The following C2orf76 variants were observed in gnomAD, a reference collection of about 807,000 sequenced individuals.
C2orf76 encodes chromosome 2 open reading frame 76, also known as UPF0538 protein C2orf76.
Under a neutral mutation model 16.9 loss-of-function variants are expected in C2orf76, and 23 were observed. The ratio of observed to expected loss-of-function variants is 1.36; its 90% CI spans 0.98 to 1.93. The LOEUF (loss-of-function observed/expected upper bound fraction) is 1.93. C2orf76 is among the 30% of genes most tolerant of loss of function. The pLI is 0.00. For missense variants in C2orf76, 152 were observed against 152.6 expected (o/e 1.00, Z 0.02); for synonymous variants, 48 against 52.3 (o/e 0.92, Z 0.35).
intron 5 of C2orf76, 117 bp downstream of exon 5, chr2:119,311,505 G>A: frequency 6.8e-7 from 1 of 1,462,502 alleles, no homozygotes; most frequent in South Asian, 1.4e-5. Flanking sequence ...ACCGGGCAGT[G>A]TCAGGGGGAC....
intron 1 of C2orf76, among the ~76,000 whole-genome samples, chr2:119,348,443 T>C (rs1225905538): frequency 3.3e-5 from 5 of 152,144 alleles, no homozygotes. Flanking sequence ...TCCCAGCACT[T>C]TGGGAGGTCA....
At chr2:119,356,435 T>C (rs2104643295) in intron 1 of C2orf76, among the ~76,000 whole-genome samples, 1 of 145,918 alleles carries the variant, frequency 6.9e-6, no homozygotes, top group Middle Eastern at 3.6e-3. Context: ...TACACTGAAC[T>C]GAATGAAAGT....
In C2orf76 at chr2:119,302,568, G is replaced by A; in HGVS notation, c.305-20C>T. ...CACTGGCTGAAAAAAAACAGAAAATGGAAAAAAAGATTTTAATGTAAATCT... is the reference window on the plus strand; with the variant it reads ...CACTGGCTGAAAAAAAACAGAAAATAGAAAAAAAGATTTTAATGTAAATCT... On this transcript the variant is annotated intron_variant, in intron 5 of 5. Transcript: ENST00000334816. 4.1e-6 allele frequency: 6 copies of A among 1,446,154 alleles called. No individual in the cohort carries two copies. Among genetic ancestry groups the A allele is most frequent in the Admixed American group, 2.1e-5 (1 of 47,600 alleles). 89.6% of individuals were successfully genotyped at this position (1,446,154 alleles called of 1,614,324 possible). A position where few individuals can be genotyped will look rare whatever the true frequency, so the allele number is the denominator to read the frequency against.
intron 1 of C2orf76, among the ~76,000 whole-genome samples, chr2:119,358,638 C>T: frequency 6.6e-6 from 1 of 150,872 alleles, no homozygotes; most frequent in Non-Finnish European, 1.5e-5. Context: ...AGTCTGAGTG[C>T]TCTGGATAGA....
intron 1 of C2orf76, among the ~76,000 whole-genome samples, chr2:119,357,976 T>C (rs772653444): frequency 6.6e-6 from 1 of 152,012 alleles, no homozygotes; most frequent in Non-Finnish European, 1.5e-5. Context: ...TAAATACAAA[T>C]ACAAAATACA....
At chr2:119,322,934 C>T (rs1436209973) in intron 2 of C2orf76, among the ~76,000 whole-genome samples, 1 of 152,100 alleles carries the variant, frequency 6.6e-6, no homozygotes, top group East Asian at 1.9e-4. Context: ...TATTCCTTTC[C>T]ACATTTTGAT....
the C2orf76 span, among the ~76,000 whole-genome samples, chr2:119,290,601 G>A: frequency 6.6e-5 from 10 of 152,108 alleles, no homozygotes; most frequent in Middle Eastern, 3.4e-3. Flanking sequence ...AGGCGAAGGC[G>A]GGTGGATCAC....
chr2:119,333,083 C>A (rs1679727817), intron 2 of C2orf76, among the ~76,000 whole-genome samples: 1 of 152,178 alleles, frequency 6.6e-6, no homozygotes, highest in Admixed American at 6.5e-5. Context: ...AAAGAATGCG[C>A]AGCACATCCT....
the C2orf76 span, among the ~76,000 whole-genome samples, chr2:119,281,976 G>T: frequency 6.6e-6 from 1 of 151,968 alleles, no homozygotes; most frequent in Non-Finnish European, 1.5e-5. Context: ...TTCTGGAAAG[G>T]CCATTAAGAT....
intron 4 of C2orf76, 152 bp from the exon 5 acceptor site, chr2:119,311,855 C>T (rs1679003251): frequency 2.8e-6 from 2 of 706,030 alleles, no homozygotes; most frequent in South Asian, 3.8e-5. Flanking sequence ...TGAACAGAGG[C>T]ACAGTGAGGT....
the C2orf76 span, among the ~76,000 whole-genome samples, chr2:119,288,082 G>A: frequency 3.3e-5 from 5 of 150,532 alleles, no homozygotes; most frequent in African/African-American, 1.2e-4. Context: ...CTTAGATGTG[G>A]GTCGTGCACT....
chr2:119,286,567 C>T, the C2orf76 span, among the ~76,000 whole-genome samples: 1 of 152,028 alleles, frequency 6.6e-6, no homozygotes, highest in South Asian at 2.1e-4. Flanking sequence ...GAGATGTAGC[C>T]AGAGATCAAA....
At chr2:119,325,157 G>A (rs953422589) in intron 2 of C2orf76, among the ~76,000 whole-genome samples, 10 of 151,906 alleles carry the variant, frequency 6.6e-5, no homozygotes, top group Admixed American at 2.6e-4. Flanking sequence ...ACAACATAGC[G>A]AGACCCTGTC....
chr2:119,286,823 G>A, the C2orf76 span, among the ~76,000 whole-genome samples: 2 of 152,178 alleles, frequency 1.3e-5, no homozygotes, highest in Non-Finnish European at 2.9e-5. Context: ...AATGGCGGTG[G>A]GAAGGGAAGG....
downstream of C2orf76, among the ~76,000 whole-genome samples, chr2:119,301,443 C>G (rs1342063127): frequency 2.0e-5 from 3 of 152,172 alleles, no homozygotes; most frequent in Non-Finnish European, 4.4e-5. Flanking sequence ...CCAATTTGCC[C>G]TCCTGGCAAC....
chr2:119,283,525 A>G, the C2orf76 span, among the ~76,000 whole-genome samples: 2 of 151,946 alleles, frequency 1.3e-5, no homozygotes, highest in Non-Finnish European at 2.9e-5. Flanking sequence ...CCCAGGCTGG[A>G]GTGCAGTGGC....
chr2:119,315,906 T>C (rs4603773), intron 4 of C2orf76, among the ~76,000 whole-genome samples: 1 of 152,078 alleles, frequency 6.6e-6, no homozygotes, highest in Non-Finnish European at 1.5e-5. Flanking sequence ...TTAAATGTTA[T>C]AATACTGATA....
chr2:119,361,947 G>A (rs892074096), intron 1 of C2orf76, among the ~76,000 whole-genome samples: 1 of 152,170 alleles, frequency 6.6e-6, no homozygotes, highest in Non-Finnish European at 1.5e-5. Flanking sequence ...AGGCTGGAGT[G>A]TAGTGGCAGG....
the C2orf76 span, among the ~76,000 whole-genome samples, chr2:119,283,292 A>G: frequency 6.6e-6 from 1 of 151,946 alleles, no homozygotes; most frequent in Non-Finnish European, 1.5e-5. Flanking sequence ...TTGGCAATGG[A>G]AGCTTCCAGT....
Sources: allele counts gnomAD v4.1 joint callset (sites outside exome capture counted in the v4.1 genomes callset), GRCh38; gene constraint gnomAD v4.1.1; transcripts MANE v1.5; gene names NCBI Gene and HGNC (gene_info 2026-07-23, HGNC 2026-07-21).